Variants in TUBGCP2 observed in about 807,000 individuals in gnomAD.
TUBGCP2 encodes the protein tubulin gamma complex component 2, also known as gamma-tubulin complex component 2.
A neutral mutation model predicts 92.2 loss-of-function variants in TUBGCP2; 55 were observed. That is an observed-to-expected ratio of 0.60 (90% CI 0.48 to 0.75). The LOEUF (loss-of-function observed/expected upper bound fraction) is 0.75, where lower values mean the gene tolerates loss of function less well. Ranked by LOEUF, TUBGCP2 falls within the 30% of genes least tolerant of loss-of-function variation. TUBGCP2 has a pLI of 0.00. For missense variants in TUBGCP2, 1,093 were observed against 1,188.9 expected, an observed-to-expected ratio of 0.92 and a Z score of 1.19; for synonymous variants, 533 against 505.2, an observed-to-expected ratio of 1.06 and a Z score of -0.74.
intron 8 of TUBGCP2, among the ~76,000 whole-genome samples, chr10:133,291,230 G>A (rs1307781607): frequency 1.4e-5 from 2 of 140,522 alleles, no homozygotes; most frequent in Non-Finnish European, 3.0e-5. Context: ...AGAGAGGGCA[G>A]CACGCGCCCT....
chr10:133,293,069 T>G lies in TUBGCP2; in HGVS notation c.994A>C (p.Met332Leu), dbSNP rs1205976951. The part of the protein sequence containing the change: ...QKLWFYIQPA[M>L]RTMDILASLA... The stretch of plus-strand genomic sequence containing the variant: ...GAGGCCAGGATGTCCATGGTGCGCA[T>G]GGCTGGCTGGATGTAGAACCAGAGC... Residue 332 changes from methionine (M) to leucine (L), a missense_variant, in exon 7 of 18, where the codon ATG (methionine) becomes CTG (leucine). Transcript: ENST00000252936. 1 of 1,613,532 alleles carries G rather than the reference T, an allele frequency of 6.2e-7. No individual in the cohort carries two copies.
chr10:133,298,099 T>G lies in TUBGCP2; in HGVS notation c.469A>C (p.Lys157Gln). 6.2e-7 allele frequency: 1 copy of G among 1,614,022 alleles called. No homozygotes were observed. The highest frequency in any genetic ancestry group is 8.5e-7 in the Non-Finnish European group (1 of 1,180,004). Residue 157 changes from lysine (K) to glutamine (Q), a missense_variant, in exon 5 of 18, where the codon AAA becomes CAA. Physicochemically the swap from Lys to Gln is moderately conservative, Grantham distance 53. This residue lies in a region of TUBGCP2 where 490 missense variants were observed against 488.5 expected (regional missense o/e 1.00). Coordinates refer to ENST00000252936, the MANE Select transcript of TUBGCP2 (RefSeq NM_006659.4). ...GSTLQQSLEL[K>Q]RKMLRDKQNK... is the part of the protein sequence containing the mutation. The stretch of plus-strand genomic sequence containing the variant: ...TGCTTGTCTCGAAGCATCTTTCTTT[T>G]AAGTTCCAGAGACTAGCAAGGACAT...
intron 3 of TUBGCP2, 150 bp from the exon 4 acceptor site, chr10:133,299,753 C>T (rs1187115302): frequency 5.9e-6 from 5 of 845,046 alleles, no homozygotes; most frequent in South Asian, 1.7e-5. Context: ...AGGAACTGAG[C>T]GTGACACATG....
At chr10:133,279,924 T>G in intron 17 of TUBGCP2, 23 bp from the exon 18 acceptor site, 1 of 1,606,188 alleles carries the variant, frequency 6.2e-7, no homozygotes, top group Non-Finnish European at 8.5e-7. Context: ...ACAGTGGAGC[T>G]GGGGTGCACA....
At chr10:133,309,958 T>C (rs760732161), upstream of TUBGCP2, 9 of 1,613,242 alleles carry the variant, frequency 5.6e-6, no homozygotes, top group East Asian at 2.0e-4. Flanking sequence ...TTCCAGATCC[T>C]GTCTGAGAGG....
rs560627612 is a variant in TUBGCP2 at position 133,292,966 on chromosome 10, T to G, written c.1024+73A>C. 1.4e-4 allele frequency: 207 copies of G among 1,531,502 alleles called. No homozygotes were observed. The African/African-American group carries it at 2.7e-3, about 20-fold the overall frequency. 94.9% of individuals were successfully genotyped at this position (1,531,502 alleles called of 1,614,324 possible). A position where few individuals can be genotyped will look rare whatever the true frequency, so the allele number is the denominator to read the frequency against. ...GCTGCTCCACGGCCCCTGCAGAGTCTCTCCTCACACTGGGTGCCATGTTCA... is the reference window on the plus strand; with the variant it reads ...GCTGCTCCACGGCCCCTGCAGAGTCGCTCCTCACACTGGGTGCCATGTTCA... On this transcript the variant is annotated intron_variant, in intron 7 of 17. Coordinates refer to ENST00000252936, the MANE Select transcript of TUBGCP2 (RefSeq NM_006659.4).
At chr10:133,289,651 G>A (rs554665542) in intron 9 of TUBGCP2, among the ~76,000 whole-genome samples, 173 bp downstream of exon 9, 18 of 152,194 alleles carry the variant, frequency 1.2e-4, no homozygotes, top group Non-Finnish European at 1.6e-4. Context: ...CTAACTCAGC[G>A]CCGCAGCCCA....
upstream of TUBGCP2, chr10:133,310,150 G>A (rs772896303): frequency 6.2e-6 from 10 of 1,613,588 alleles, no homozygotes; most frequent in Admixed American, 6.7e-5. Flanking sequence ...GAGGTGACAC[G>A]GTCTCCATTT....
upstream of TUBGCP2, chr10:133,309,526 G>C (rs1847937277): frequency 6.5e-7 from 1 of 1,543,486 alleles, no homozygotes; most frequent in South Asian, 1.2e-5. Context: ...CCGGTGCCTG[G>C]TCCCTGGGGC....
In TUBGCP2 at chr10:133,288,120, C is replaced by G. The variant is rs1247740895; in HGVS notation, c.1722+9G>C. Reference sequence around the variant, plus strand: ...GCCACAGGGGACAGCCCCCGGCACCCCCACCCACCTTGAGGTCGTCCTTGA... The same window carrying G: ...GCCACAGGGGACAGCCCCCGGCACCGCCACCCACCTTGAGGTCGTCCTTGA... On this transcript the variant is annotated intron_variant, in intron 11 of 17. Transcript: ENST00000252936. 3 of 1,606,036 alleles carry G rather than the reference C, an allele frequency of 1.9e-6. No homozygotes were observed. The highest frequency in any genetic ancestry group is 3.4e-5 in the Admixed American group (2 of 59,476).
chr10:133,295,786 A>G (rs187720129), intron 5 of TUBGCP2: 36 of 152,514 alleles, frequency 2.4e-4, no homozygotes, highest in Admixed American at 2.3e-3. Context: ...ACCACTCCAC[A>G]GCTGTTTTCC....
chr10:133,308,952 G>C (rs927776215), upstream of TUBGCP2: 39 of 1,233,598 alleles, frequency 3.2e-5, no homozygotes, highest in East Asian at 2.3e-4. Flanking sequence ...TGATGCAGTT[G>C]CCCCCCGCGC....
chr10:133,310,115 G>A (rs1279739802), upstream of TUBGCP2: 3 of 1,612,318 alleles, frequency 1.9e-6, no homozygotes, highest in East Asian at 6.7e-5. Context: ...GGGCATGGCG[G>A]TGGGGGAGGG....
intron 5 of TUBGCP2, among the ~76,000 whole-genome samples, 153 bp downstream of exon 5, chr10:133,297,799 A>G (rs1326718371): frequency 6.6e-6 from 1 of 152,226 alleles, no homozygotes; most frequent in Non-Finnish European, 1.5e-5. Context: ...GAGCCTCACA[A>G]CCTGAGGAAA....
chr10:133,306,121 C>CT (rs1847812866), intron 1 of TUBGCP2, among the ~76,000 whole-genome samples: 1 of 152,230 alleles, frequency 6.6e-6, no homozygotes, highest in African/African-American at 2.4e-5. Flanking sequence ...GGTGTTAACT[C>CT]TGTTATCTGG....
chr10:133,289,279 C>T (rs1564937552), intron 9 of TUBGCP2, among the ~76,000 whole-genome samples: 1 of 152,246 alleles, frequency 6.6e-6, no homozygotes, highest in South Asian at 2.1e-4. Context: ...AGGGCTTTGC[C>T]GTGGCTCTGC....
rs1846897005 is a variant in TUBGCP2 at position 133,279,101 on chromosome 10, G to GCGGTAC, written c.*659_*664dup. On this transcript the variant is annotated 3_prime_UTR_variant, in exon 18 of 18. Coordinates refer to ENST00000252936, the MANE Select transcript of TUBGCP2 (RefSeq NM_006659.4). ...TGCTGAGTAAGTTCTACGTAACAAG[G>GCGGTAC]CGGTACCGGATAGGGCGGGGTGGGG... is the stretch of plus-strand genomic sequence containing the variant. 6.6e-6 allele frequency: 1 copy of GCGGTAC among 152,406 alleles called. No individual in the cohort carries two copies. Among genetic ancestry groups the GCGGTAC allele is most frequent in the Non-Finnish European group, 1.5e-5 (1 of 68,140 alleles). The allele number at this position is 152,406 out of a possible 1,614,324, so 9.4% of individuals were successfully genotyped here.
At position 133,302,804 on chromosome 10, in the gene TUBGCP2, A is replaced by G. The variant is rs1847704347; in HGVS notation, c.138T>C (p.Ala46=). The part of the protein sequence containing the change: ...RTPYVTTTVS[A]HSAKVKIAEF... ...GGGCAGTGCTCACCTTGGCACTGTG[A>G]GCAGAGACAGTGGTAGTGACGTACG... is the stretch of plus-strand genomic sequence containing the variant. Residue 46 remains alanine, a synonymous_variant, in exon 2 of 18, where the codon GCT becomes GCC. Coordinates refer to ENST00000252936, the MANE Select transcript of TUBGCP2 (RefSeq NM_006659.4). 6.2e-7 allele frequency: 1 copy of G among 1,612,494 alleles called. No individual in the cohort carries two copies. Among genetic ancestry groups the G allele is most frequent in the South Asian group, 1.1e-5 (1 of 91,014 alleles).
chr10:133,299,420 G>A lies in TUBGCP2; in HGVS notation c.456+7C>T, dbSNP rs759709561. ...ATGGAGCCTGTGGACAGCCATGGAC[G>A]CAGTACCTGCTGCAGCGTGGAGCCT... On this transcript the variant is annotated splice_region_variant and intron_variant, in intron 4 of 17. Coordinates refer to ENST00000252936, the MANE Select transcript of TUBGCP2 (RefSeq NM_006659.4). The A allele has an allele frequency of 1.3e-5, 21 of 1,586,824 alleles. No individual in the cohort carries two copies. The East Asian group carries it at 1.6e-4, about 12-fold the overall frequency.
Sources: gnomAD v4.1 joint callset for allele counts (sites outside exome capture counted in the v4.1 genomes callset) on GRCh38, gnomAD v4.1.1 for gene constraint, gnomAD v4.1.1 regional missense constraint, MANE v1.5 for transcripts, NCBI Gene and HGNC (gene_info 2026-07-23, HGNC 2026-07-21) for gene names.